Variants in PTPRD observed in about 807,000 individuals in gnomAD.
PTPRD encodes the protein protein tyrosine phosphatase receptor type D, also known as receptor-type tyrosine-protein phosphatase delta.
Under a neutral mutation model 214.5 loss-of-function variants are expected in PTPRD, and 34 were observed. That is an observed-to-expected ratio of 0.16 (90% CI 0.12 to 0.21). The LOEUF (loss-of-function observed/expected upper bound fraction) is 0.21. Among genes scored for constraint, PTPRD ranks in the 10% least tolerant of loss-of-function variants. The pLI is 1.00. For missense variants in PTPRD, 2,545 were observed against 2,398.7 expected, an observed-to-expected ratio of 1.06 and a Z score of -1.27; for synonymous variants, 1,128 against 845.7, an observed-to-expected ratio of 1.33 and a Z score of -5.79.
At chr9:9,001,869 A>T (rs372077760) in intron 11 of PTPRD, among the ~76,000 whole-genome samples, 4 of 151,784 alleles carry the variant, frequency 2.6e-5, no homozygotes. Flanking sequence ...TTCTTCTTTG[A>T]TTCTTCCTAT....
intron 7 of PTPRD, among the ~76,000 whole-genome samples, chr9:9,689,627 T>A (rs1595295796): frequency 6.6e-6 from 1 of 151,884 alleles, no homozygotes; most frequent in Non-Finnish European, 1.5e-5. Context: ...AAGGAACCTC[T>A]GTTTATCCAC....
intron 9 of PTPRD, among the ~76,000 whole-genome samples, chr9:9,250,228 T>G (rs1428555867): frequency 6.6e-6 from 1 of 152,108 alleles, no homozygotes; most frequent in Non-Finnish European, 1.5e-5. Context: ...TGTAGCTTCA[T>G]ATTTTCCTGT....
chr9:9,688,060 C>T (rs951814471), intron 7 of PTPRD, among the ~76,000 whole-genome samples: 1 of 151,796 alleles, frequency 6.6e-6, no homozygotes, highest in Admixed American at 6.6e-5. Flanking sequence ...CTCCTGCTGC[C>T]TTGTGAAGAA....
intron 39 of PTPRD, among the ~76,000 whole-genome samples, chr9:8,371,518 G>T (rs1228182009): frequency 6.6e-6 from 1 of 151,970 alleles, no homozygotes; most frequent in African/African-American, 2.4e-5. Context: ...CTTCCTGTGG[G>T]AAGATAAATG....
chr9:8,592,453 G>A (rs773157674), intron 14 of PTPRD, among the ~76,000 whole-genome samples: 5 of 152,166 alleles, frequency 3.3e-5, no homozygotes, highest in Non-Finnish European at 5.9e-5. Context: ...GACATACAAG[G>A]ACTTGAATAG....
chr9:8,818,536 T>A (rs564102513), intron 11 of PTPRD, among the ~76,000 whole-genome samples: 6 of 152,344 alleles, frequency 3.9e-5, no homozygotes, highest in African/African-American at 1.4e-4. Flanking sequence ...AAGGTGAGGT[T>A]ATTCTCATTT....
intron 3 of PTPRD, among the ~76,000 whole-genome samples, chr9:10,225,521 G>C (rs1323792226): frequency 6.6e-6 from 1 of 152,040 alleles, no homozygotes; most frequent in South Asian, 2.1e-4. Context: ...TTATTGGCTA[G>C]ACAATGGATC....
chr9:9,933,893 G>A (rs1254240811), intron 5 of PTPRD, among the ~76,000 whole-genome samples: 10 of 148,142 alleles, frequency 6.8e-5, no homozygotes, highest in Non-Finnish European at 1.2e-4. Context: ...AGACCACAGT[G>A]CAATCAAACT....
chr9:10,211,816 G>T (rs1439120871), intron 3 of PTPRD, among the ~76,000 whole-genome samples: 1 of 152,016 alleles, frequency 6.6e-6, no homozygotes, highest in Non-Finnish European at 1.5e-5. Flanking sequence ...AGAAGAGAGG[G>T]GGGTGAGGGA....
chr9:10,478,743 AAT>A (rs904720456), intron 2 of PTPRD, among the ~76,000 whole-genome samples: 1 of 150,982 alleles, frequency 6.6e-6, no homozygotes, highest in Non-Finnish European at 1.5e-5. Context: ...TATGTATATA[AAT>A]ATATATATAT....
intron 5 of PTPRD, among the ~76,000 whole-genome samples, chr9:9,794,526 G>A (rs2098989578): frequency 6.6e-6 from 1 of 151,906 alleles, no homozygotes; most frequent in African/African-American, 2.4e-5. Flanking sequence ...AAATAGAGAG[G>A]TAAGTGAGGG....
At chr9:8,987,057 T>C (rs999189390) in intron 11 of PTPRD, among the ~76,000 whole-genome samples, 28 of 152,142 alleles carry the variant, frequency 1.8e-4, no homozygotes, top group African/African-American at 6.5e-4. Flanking sequence ...TAAACACATG[T>C]CTCTTAGAAG....
intron 10 of PTPRD, among the ~76,000 whole-genome samples, chr9:9,174,958 C>T (rs1333320919): frequency 6.6e-6 from 1 of 151,870 alleles, no homozygotes; most frequent in Non-Finnish European, 1.5e-5. Context: ...TGGGATGAAG[C>T]CCTCAGGAAT....
chr9:10,018,001 T>C (rs1589022183), intron 4 of PTPRD, among the ~76,000 whole-genome samples: 1 of 151,978 alleles, frequency 6.6e-6, no homozygotes, highest in East Asian at 1.9e-4. Flanking sequence ...CCAAGTGGAG[T>C]TATTATTTTT....
intron 3 of PTPRD, among the ~76,000 whole-genome samples, chr9:10,225,535 A>C (rs1322600055): frequency 6.6e-6 from 1 of 152,064 alleles, no homozygotes; most frequent in African/African-American, 2.4e-5. Flanking sequence ...ATGGATCATG[A>C]GAAAATGAAA....
chr9:8,567,376 C>G (rs911395901), intron 14 of PTPRD, among the ~76,000 whole-genome samples: 3 of 152,168 alleles, frequency 2.0e-5, no homozygotes, highest in Non-Finnish European at 4.4e-5. Context: ...TCCCTGACCT[C>G]TTCTCCAATT....
chr9:9,009,054 A>T (rs1319013885), intron 11 of PTPRD, among the ~76,000 whole-genome samples: 1 of 152,146 alleles, frequency 6.6e-6, no homozygotes, highest in East Asian at 1.9e-4. Context: ...ATAACAACAA[A>T]ACCCATATAA....
chr9:8,566,547 C>T (rs1175823844), intron 14 of PTPRD, among the ~76,000 whole-genome samples: 1 of 152,142 alleles, frequency 6.6e-6, no homozygotes, highest in Non-Finnish European at 1.5e-5. Context: ...CATAACTTCA[C>T]CTCTGAGTAG....
At chr9:8,930,418 A>T (rs1588256246) in intron 11 of PTPRD, among the ~76,000 whole-genome samples, 3 of 152,284 alleles carry the variant, frequency 2.0e-5, no homozygotes, top group African/African-American at 7.2e-5. Context: ...GCCACAATAA[A>T]CATATGTGTG....
Sources: gnomAD v4.1 joint callset for allele counts (sites outside exome capture counted in the v4.1 genomes callset) on GRCh38, gnomAD v4.1.1 for gene constraint, MANE v1.5 for transcripts, NCBI Gene and HGNC (gene_info 2026-07-23, HGNC 2026-07-21) for gene names.